Variants in BCAS3 observed in about 807,000 individuals in gnomAD.
BCAS3 encodes BCAS3 microtubule associated cell migration factor.
BCAS3 carries 53 observed loss-of-function variants against 116.1 expected under a neutral mutation model. The ratio of observed to expected loss-of-function variants is 0.46; its 90% CI spans 0.37 to 0.57. The LOEUF (loss-of-function observed/expected upper bound fraction) is 0.57, where lower values mean the gene tolerates loss of function less well. BCAS3 is among the 20% of genes least tolerant of loss of function. The pLI is 0.00. For missense variants in BCAS3, 917 were observed against 1,165.4 expected (o/e 0.79, Z 3.10); for synonymous variants, 391 against 408.2 (o/e 0.96, Z 0.51).
In BCAS3 at chr17:61,083,747, C is replaced by T. The variant is rs141144893; in HGVS notation, c.2328-720C>T. On this transcript the variant is annotated intron_variant, in intron 21 of 23. Transcript: ENST00000407086. The surrounding 1 kb of genome is among the most constrained non-coding windows in gnomAD (Gnocchi z 4.9). ...AGTAGCTGGGACTATAGGTGCATGCCACCACACCCGGCTAATTTTTGCATT... is the reference window on the plus strand; with the variant it reads ...AGTAGCTGGGACTATAGGTGCATGCTACCACACCCGGCTAATTTTTGCATT... Among the ~76,000 whole-genome samples the T allele has an allele frequency of 6.4e-3, 980 of 152,122 alleles. 10 individuals carry two copies. The highest frequency in any genetic ancestry group is 0.012 in the South Asian group (60 of 4,802).
intron 6 of BCAS3, among the ~76,000 whole-genome samples, chr17:60,795,234 A>G (rs952504139): frequency 5.9e-5 from 9 of 152,174 alleles, no homozygotes; most frequent in Admixed American, 1.3e-4. Flanking sequence ...CTGTTGGTGT[A>G]TAGAAGAACT....
rs1158036177 is a variant in BCAS3 at position 61,204,192 on chromosome 17, TCCC to T, written c.2425+119629_2425+119631del. ...AATTTTCACAGAGGGAGAGAAACTCTCCCTCCTCTTTCAGTGTTTTATTTTTAA... is the reference window on the plus strand; with the variant it reads ...AATTTTCACAGAGGGAGAGAAACTCTTCCTCTTTCAGTGTTTTATTTTTAA... On this transcript the variant is annotated intron_variant, in intron 22 of 23. Coordinates refer to ENST00000407086, the MANE Select transcript of BCAS3 (RefSeq NM_017679.5). This position sits in a 1 kb window ranked among gnomAD's most constrained non-coding sequence, Gnocchi z 4.2. 2.0e-5 allele frequency among the ~76,000 whole-genome samples: 3 copies of T among 152,208 alleles called. No individual in the cohort carries two copies. Among genetic ancestry groups the T allele is most frequent in the Non-Finnish European group, 4.4e-5 (3 of 68,028 alleles).
chr17:61,084,169 C>T lies in BCAS3; in HGVS notation c.2328-298C>T, dbSNP rs1285454855. On this transcript the variant is annotated intron_variant, in intron 21 of 23. Transcript: ENST00000407086. This position sits in a 1 kb window ranked among gnomAD's most constrained non-coding sequence, Gnocchi z 5.5. ...AAACATTTTCAGTGTTTAATTTCCT[C>T]TCCCATTCTACTTATTGTATCCCTT... is the stretch of plus-strand genomic sequence containing the variant. 1.3e-5 allele frequency among the ~76,000 whole-genome samples: 2 copies of T among 152,038 alleles called. No homozygotes were observed. Among genetic ancestry groups the T allele is most frequent in the African/African-American group, 4.8e-5 (2 of 41,316 alleles).
intron 7 of BCAS3, among the ~76,000 whole-genome samples, 166 bp from the exon 8 acceptor site, chr17:60,868,409 AC>A: frequency 6.6e-6 from 1 of 152,260 alleles, no homozygotes; most frequent in East Asian, 1.9e-4. Flanking sequence ...TAACTTGTTG[AC>A]TTAAAATAAG....
At chr17:60,918,425 C>A (rs977881830) in intron 12 of BCAS3, among the ~76,000 whole-genome samples, 1 of 152,114 alleles carries the variant, frequency 6.6e-6, no homozygotes, top group African/African-American at 2.4e-5. Flanking sequence ...GAGCACTTAG[C>A]ATTTCTATGT....
Position 61,097,719 on chromosome 17 carries a change from C to T in BCAS3, c.2425+13155C>T, listed in dbSNP as rs972132135. Among the ~76,000 whole-genome samples the T allele has an allele frequency of 6.6e-6, 1 of 152,188 alleles. No homozygotes were observed. The highest frequency in any genetic ancestry group is 2.1e-4 in the South Asian group (1 of 4,834). On this transcript the variant is annotated intron_variant, in intron 22 of 23. Coordinates refer to ENST00000407086, the MANE Select transcript of BCAS3 (RefSeq NM_017679.5). The surrounding 1 kb of genome is among the most constrained non-coding windows in gnomAD (Gnocchi z 4.0). Reference sequence around the variant, plus strand: ...TGCTAGGTCTTGCCACATGTCTCATCTCATTTAATCTTCTTTAATTAGGAT... The same window carrying T: ...TGCTAGGTCTTGCCACATGTCTCATTTCATTTAATCTTCTTTAATTAGGAT...
At chr17:60,901,212 TAAA>T (rs879817022) in intron 10 of BCAS3, among the ~76,000 whole-genome samples, 1 of 142,450 alleles carries the variant, frequency 7.0e-6, no homozygotes, top group Admixed American at 7.0e-5. Context: ...CTCTGTCTCT[TAAA>T]AAAAAAAAAA....
chr17:61,070,091 A>T, intron 19 of BCAS3: 1 of 1,576,116 alleles, frequency 6.3e-7, no homozygotes, highest in South Asian at 1.1e-5. Flanking sequence ...CTTGACCACT[A>T]TGCTATCATC....
rs1267995202 is a variant in BCAS3 at position 60,939,150 on chromosome 17, G to T, written c.1088-8069G>T. Among the ~76,000 whole-genome samples, 6 of 152,262 alleles carry T rather than the reference G, an allele frequency of 3.9e-5. No individual in the cohort carries two copies. In the East Asian group the frequency reaches 9.6e-4, roughly 24 times the overall value. On this transcript the variant is annotated intron_variant, in intron 13 of 23. Coordinates refer to ENST00000407086, the MANE Select transcript of BCAS3 (RefSeq NM_017679.5). ...TACAATATTAAAAAACTAGAAACAGGCCAGGTGCGGTGGCTCACACCTATA... is the reference window on the plus strand; with the variant it reads ...TACAATATTAAAAAACTAGAAACAGTCCAGGTGCGGTGGCTCACACCTATA...
chr17:61,371,784 A>G (rs996462311), intron 23 of BCAS3, among the ~76,000 whole-genome samples: 1 of 152,228 alleles, frequency 6.6e-6, no homozygotes, highest in African/African-American at 2.4e-5. Context: ...CCGGTGAGAA[A>G]TGCAAAGCCT....
At chr17:61,263,681 T>C (rs2049419835) in intron 22 of BCAS3, among the ~76,000 whole-genome samples, 1 of 152,242 alleles carries the variant, frequency 6.6e-6, no homozygotes, top group African/African-American at 2.4e-5. Flanking sequence ...ACAGACCTAT[T>C]ATGACTTTTA....
Position 61,282,269 on chromosome 17 carries a change from G to A in BCAS3, c.2426-86058G>A, listed in dbSNP as rs1425286868. ...AGGAAAAAGCAAAGCTCATAAATGT[G>A]GGGTTTTCTTTATTGCTTCTTTGGG... On this transcript the variant is annotated intron_variant, in intron 22 of 23. Coordinates refer to ENST00000407086, the MANE Select transcript of BCAS3 (RefSeq NM_017679.5). This position sits in a 1 kb window ranked among gnomAD's most constrained non-coding sequence, Gnocchi z 5.9. Among the ~76,000 whole-genome samples, 2 of 152,160 alleles carry A rather than the reference G, an allele frequency of 1.3e-5. No individual in the cohort carries two copies. The highest frequency in any genetic ancestry group is 6.6e-5 in the Admixed American group (1 of 15,266).
intron 22 of BCAS3, among the ~76,000 whole-genome samples, chr17:61,158,418 ATCTC>A (rs2077984518): frequency 6.6e-6 from 1 of 152,110 alleles, no homozygotes; most frequent in Non-Finnish European, 1.5e-5. Context: ...GCTGAACTAA[ATCTC>A]TAGGTTATTC....
intron 15 of BCAS3, among the ~76,000 whole-genome samples, chr17:61,010,391 T>A (rs2065029181): frequency 1.3e-5 from 2 of 152,080 alleles, no homozygotes; most frequent in South Asian, 4.1e-4. Flanking sequence ...AGTATGGAGA[T>A]TGAGAGTTTG....
At position 61,145,019 on chromosome 17, in the gene BCAS3, A is replaced by G. The variant is rs898706426; in HGVS notation, c.2425+60455A>G. Among the ~76,000 whole-genome samples the G allele has an allele frequency of 2.6e-5, 4 of 152,342 alleles. No individual in the cohort carries two copies. The highest frequency in any genetic ancestry group is 9.6e-5 in the African/African-American group (4 of 41,576). ...AGAAATATTCATTTAGACCATAACA[A>G]CTGTTAGAACAAGATAACAACTCCA... On this transcript the variant is annotated intron_variant, in intron 22 of 23. Transcript: ENST00000407086. The surrounding 1 kb of genome is among the most constrained non-coding windows in gnomAD (Gnocchi z 5.0).
chr17:61,044,776 C>CTTT (rs869234681), intron 19 of BCAS3, among the ~76,000 whole-genome samples: 1 of 141,738 alleles, frequency 7.1e-6, no homozygotes, highest in Non-Finnish European at 1.5e-5. Flanking sequence ...TGCTAAAGTC[C>CTTT]TTTTTTTTTT....
At chr17:61,216,328 T>C (rs1008235267) in intron 22 of BCAS3, among the ~76,000 whole-genome samples, 33 of 152,176 alleles carry the variant, frequency 2.2e-4, no homozygotes, top group African/African-American at 8.0e-4. Flanking sequence ...TATCACCATT[T>C]TGTCAGATTT....
chr17:60,756,811 C>G (rs573130573), intron 6 of BCAS3, among the ~76,000 whole-genome samples: 23 of 152,106 alleles, frequency 1.5e-4, no homozygotes, highest in Non-Finnish European at 3.2e-4. Context: ...TATGGTAGTT[C>G]TATTTTTAAT....
intron 6 of BCAS3, among the ~76,000 whole-genome samples, chr17:60,800,362 T>C (rs910521907): frequency 3.3e-5 from 5 of 152,212 alleles, no homozygotes; most frequent in African/African-American, 1.2e-4. Context: ...CCCTAATGAC[T>C]TTTCCTGTGC....
Sources: gnomAD v4.1 joint callset for allele counts (sites outside exome capture counted in the v4.1 genomes callset) on GRCh38, gnomAD v4.1.1 for gene constraint, Gnocchi (gnomAD v3.1) non-coding constraint, MANE v1.5 for transcripts, NCBI Gene and HGNC (gene_info 2026-07-23, HGNC 2026-07-21) for gene names.